Variants in ALDH7A1 observed in about 807,000 individuals in gnomAD.
ALDH7A1 encodes aldehyde dehydrogenase 7 family member A1.
In ALDH7A1, 63 loss-of-function variants were observed where a neutral mutation model predicts 79.9. That is an observed-to-expected ratio of 0.79 (90% CI 0.64 to 0.97). The LOEUF (loss-of-function observed/expected upper bound fraction) is 0.97. Among genes scored for constraint, ALDH7A1 ranks in the 50% least tolerant of loss-of-function variants. The pLI, the probability that ALDH7A1 is intolerant of heterozygous loss-of-function variation, is 0.00. For synonymous variants in ALDH7A1, 240 were observed against 231.2 expected (o/e 1.04, Z -0.34); for missense variants, 627 against 665.2 (o/e 0.94, Z 0.63).
chr5:126,576,195 G>A (rs921710185), intron 6 of ALDH7A1, among the ~76,000 whole-genome samples: 2 of 150,880 alleles, frequency 1.3e-5, no homozygotes, highest in Non-Finnish European at 1.5e-5. Context: ...CCTGGGAGGC[G>A]GAGCTTGCAG....
chr5:126,542,053 C>G lies in ALDH7A1; in HGVS notation c.*2912G>C, dbSNP rs944346904. 2.6e-5 allele frequency: 4 copies of G among 151,298 alleles called. No homozygotes were observed. Among genetic ancestry groups the G allele is most frequent in the Non-Finnish European group, 4.4e-5 (3 of 67,962 alleles). 9.4% of individuals were successfully genotyped at this position (151,298 alleles called of 1,614,324 possible). A position where few individuals can be genotyped will look rare whatever the true frequency, so the allele number is the denominator to read the frequency against. ...AATCAATATGGGGATAAAGTTCTTC[C>G]CCTTGGATAGGAGAGGTTTCGTTTG... On this transcript the variant is annotated 3_prime_UTR_variant, in exon 18 of 18. Coordinates refer to ENST00000409134, the MANE Select transcript of ALDH7A1 (RefSeq NM_001182.5).
At position 126,584,013 on chromosome 5, in the gene ALDH7A1, C is replaced by G; in HGVS notation, c.313-1G>C. 6.2e-7 allele frequency: 1 copy of G among 1,613,814 alleles called. No homozygotes were observed. Among genetic ancestry groups the G allele is most frequent in the Non-Finnish European group, 8.5e-7 (1 of 1,179,724 alleles). ...TTTCTCCTCGTTTTGGAGCAGGAAT[C>G]TAAGAAAAGAATGCAATTTTTGTGT... On this transcript the variant is annotated splice_acceptor_variant, in intron 3 of 17. Transcript: ENST00000409134. LOFTEE classifies it high-confidence loss of function.
intron 3 of ALDH7A1, 59 bp from the exon 4 acceptor site, chr5:126,584,071 C>G (rs1219184326): frequency 1.5e-6 from 2 of 1,365,128 alleles, no homozygotes; most frequent in African/African-American, 1.4e-5. Flanking sequence ...GTTTATAACA[C>G]AGTATTGGAT....
intron 5 of ALDH7A1, among the ~76,000 whole-genome samples, chr5:126,577,482 C>A (rs1751016690): frequency 6.6e-6 from 1 of 152,192 alleles, no homozygotes; most frequent in African/African-American, 2.4e-5. Context: ...ACCTGGGAGA[C>A]AAGGACACTT....
intron 1 of ALDH7A1, among the ~76,000 whole-genome samples, chr5:126,594,647 T>C (rs916307305): frequency 1.3e-5 from 2 of 151,914 alleles, no homozygotes; most frequent in African/African-American, 4.8e-5. Flanking sequence ...GGTTTCTCCA[T>C]GTCGGTCAGG....
At chr5:126,588,165 C>A (rs1751418353) in intron 3 of ALDH7A1, 1 of 152,146 alleles carries the variant, frequency 6.6e-6, no homozygotes, top group African/African-American at 2.4e-5. Context: ...CTGGCACTCC[C>A]TAGGGCAAAG....
intron 12 of ALDH7A1, 200 bp from the exon 13 acceptor site, chr5:126,554,593 T>A: frequency 1.7e-6 from 1 of 602,672 alleles, no homozygotes; most frequent in Non-Finnish European, 3.0e-6. Flanking sequence ...TCCATCCCAA[T>A]ACTCAACTCC....
intron 1 of ALDH7A1, chr5:126,594,397 A>G (rs1751666731): frequency 2.8e-6 from 1 of 358,720 alleles, no homozygotes; most frequent in African/African-American, 2.2e-5. Flanking sequence ...AGTGTGCCAC[A>G]TTTCTCACAA....
chr5:126,576,158 G>A (rs1000905352), intron 6 of ALDH7A1, among the ~76,000 whole-genome samples: 3 of 151,668 alleles, frequency 2.0e-5, no homozygotes, highest in South Asian at 2.1e-4. Flanking sequence ...AGCTACTCGG[G>A]AGGCTGAGGC....
chr5:126,593,530 A>C (rs1338393348), intron 1 of ALDH7A1, 126 bp from the exon 2 acceptor site: 2 of 1,358,326 alleles, frequency 1.5e-6, no homozygotes, highest in Non-Finnish European at 2.1e-6. Flanking sequence ...CAAAAAGCTT[A>C]GGTTAACTTC....
intron 11 of ALDH7A1, among the ~76,000 whole-genome samples, chr5:126,556,970 C>T (rs1750217334): frequency 6.6e-6 from 1 of 151,994 alleles, no homozygotes; most frequent in Non-Finnish European, 1.5e-5. Flanking sequence ...CTAATATTAC[C>T]TATTAATATT....
chr5:126,584,077 TGG>T, intron 3 of ALDH7A1, 65 bp from the exon 4 acceptor site: 2 of 1,288,936 alleles, frequency 1.6e-6, no homozygotes. Flanking sequence ...AACACAGTAT[TGG>T]ATGTGTGCTG....
At chr5:126,576,126 G>T (rs1750956455) in intron 6 of ALDH7A1, among the ~76,000 whole-genome samples, 1 of 152,084 alleles carries the variant, frequency 6.6e-6, no homozygotes, top group Admixed American at 6.6e-5. Context: ...AGCCGGGCGT[G>T]GTGGCAGACG....
Position 126,543,473 on chromosome 5 carries a change from C to G in ALDH7A1, c.*1492G>C, listed in dbSNP as rs1371020118. 1 of 152,154 alleles carries G rather than the reference C, an allele frequency of 6.6e-6. No individual in the cohort carries two copies. Among genetic ancestry groups the G allele is most frequent in the Non-Finnish European group, 1.5e-5 (1 of 68,034 alleles). 9.4% of individuals were successfully genotyped at this position (152,154 alleles called of 1,614,324 possible). On this transcript the variant is annotated 3_prime_UTR_variant, in exon 18 of 18. Coordinates refer to ENST00000409134, the MANE Select transcript of ALDH7A1 (RefSeq NM_001182.5). ...ATGTTCAATATTGACAACAGCATGT[C>G]TAGTTAAATACTGCTCGCAGCTGGC...
At chr5:126,545,905 G>A (rs1749769432) in intron 17 of ALDH7A1, among the ~76,000 whole-genome samples, 1 of 152,080 alleles carries the variant, frequency 6.6e-6, no homozygotes, top group African/African-American at 2.4e-5. Flanking sequence ...CTGAGGTCAG[G>A]AGTTCAACAA....
At chr5:126,558,083 G>T (rs939660304) in intron 11 of ALDH7A1, among the ~76,000 whole-genome samples, 1 of 139,676 alleles carries the variant, frequency 7.2e-6, no homozygotes, top group Non-Finnish European at 1.5e-5. Context: ...CAGGAGAATC[G>T]CTTGAATCCA....
intron 3 of ALDH7A1, chr5:126,584,548 T>TA (rs1751292965): frequency 1.3e-5 from 2 of 155,010 alleles, no homozygotes; most frequent in Non-Finnish European, 2.8e-5. Flanking sequence ...TAATCCCAGC[T>TA]AGTCAGGAGG....
chr5:126,589,611 T>C (rs1751472975), intron 3 of ALDH7A1, among the ~76,000 whole-genome samples: 1 of 152,056 alleles, frequency 6.6e-6, no homozygotes. Context: ...AAACCCTGTC[T>C]CTACTAACAA....
At position 126,555,963 on chromosome 5, in the gene ALDH7A1, T is replaced by C. The variant is rs1471249688; in HGVS notation, c.1061A>G (p.Tyr354Cys). Residue 354 changes from tyrosine to cysteine, a missense_variant, in exon 12 of 18, where the codon TAT becomes TGT. Transcript: ENST00000409134. The part of the protein sequence containing the change: ...DEVVNRLKKA[Y>C]AQIRVGNPWD... ...TGGGTTCCCAACTCGGATCTGTGCA[T>C]AGGCCTTTTTAAGTCTGTTTACAAC... The C allele has an allele frequency of 6.8e-6, 11 of 1,613,590 alleles. No homozygotes were observed. Among genetic ancestry groups the C allele is most frequent in the East Asian group, 2.2e-5 (1 of 44,854 alleles).
Sources: gnomAD v4.1 joint callset for allele counts (sites outside exome capture counted in the v4.1 genomes callset) on GRCh38, gnomAD v4.1.1 for gene constraint, MANE v1.5 for transcripts, NCBI Gene and HGNC (gene_info 2026-07-23, HGNC 2026-07-21) for gene names.